The following FBXL17 variants were observed in gnomAD, a reference collection of about 807,000 sequenced individuals.
FBXL17 encodes F-box and leucine rich repeat protein 17.
FBXL17 carries 22 observed loss-of-function variants against 66.2 expected under a neutral mutation model. The ratio of observed to expected loss-of-function variants is 0.33; its 90% CI spans 0.24 to 0.47. The LOEUF (loss-of-function observed/expected upper bound fraction) is 0.47, where lower values mean the gene tolerates loss of function less well. Among genes scored for constraint, FBXL17 ranks in the 20% least tolerant of loss-of-function variants. The pLI, the probability that FBXL17 is intolerant of heterozygous loss-of-function variation, is 1.00. For missense variants in FBXL17, 878 were observed against 948.2 expected, an observed-to-expected ratio of 0.93 and a Z score of 0.97; for synonymous variants, 474 against 400.5, an observed-to-expected ratio of 1.18 and a Z score of -2.19.
At chr5:108,030,390 C>G (rs1222272383) in intron 6 of FBXL17, among the ~76,000 whole-genome samples, 1 of 152,056 alleles carries the variant, frequency 6.6e-6, no homozygotes, top group African/African-American at 2.4e-5. Flanking sequence ...TAAGTAAACA[C>G]GGAGAAAGGA....
chr5:108,055,978 T>C (rs1721142742), intron 6 of FBXL17, among the ~76,000 whole-genome samples: 2 of 152,200 alleles, frequency 1.3e-5, no homozygotes, highest in African/African-American at 4.8e-5. Flanking sequence ...CTACATGGAA[T>C]CACATACCTT....
chr5:108,275,386 A>G (rs950957167), intron 4 of FBXL17, among the ~76,000 whole-genome samples: 1 of 152,230 alleles, frequency 6.6e-6, no homozygotes, highest in Non-Finnish European at 1.5e-5. Context: ...ATTTAAAAAA[A>G]TGCCACAATT....
At chr5:108,340,665 A>C (rs563814213) in intron 4 of FBXL17, among the ~76,000 whole-genome samples, 9 of 152,304 alleles carry the variant, frequency 5.9e-5, no homozygotes, top group African/African-American at 1.9e-4. Context: ...ACTTACTTTA[A>C]AAGTGAAAAA....
chr5:107,978,386 A>G (rs1752669324), intron 7 of FBXL17, among the ~76,000 whole-genome samples: 1 of 152,168 alleles, frequency 6.6e-6, no homozygotes, highest in South Asian at 2.1e-4. Flanking sequence ...AAAGGCCACA[A>G]GGTTAGGATT....
chr5:108,371,329 A>T (rs1371549169), intron 1 of FBXL17, among the ~76,000 whole-genome samples: 2 of 152,256 alleles, frequency 1.3e-5, no homozygotes, highest in Non-Finnish European at 2.9e-5. Flanking sequence ...TCATAAAAGC[A>T]GCCCCAGTCA....
At chr5:108,217,059 A>G (rs796946268) in intron 5 of FBXL17, among the ~76,000 whole-genome samples, 3 of 152,184 alleles carry the variant, frequency 2.0e-5, no homozygotes, top group African/African-American at 7.2e-5. Context: ...TCTGGCCTCT[A>G]TGAATCATCA....
chr5:108,253,447 A>G (rs1202337966), intron 4 of FBXL17, among the ~76,000 whole-genome samples: 1 of 152,186 alleles, frequency 6.6e-6, no homozygotes, highest in Admixed American at 6.5e-5. Context: ...GATTACAGGA[A>G]TACTATTCAT....
At chr5:107,880,921 TG>T in intron 8 of FBXL17, 115 bp downstream of exon 8, 1 of 1,493,886 alleles carries the variant, frequency 6.7e-7, no homozygotes, top group Non-Finnish European at 8.9e-7. Flanking sequence ...ACATATAAAA[TG>T]TATATATAAT....
At chr5:108,106,855 T>C (rs1749818870) in intron 6 of FBXL17, among the ~76,000 whole-genome samples, 1 of 152,126 alleles carries the variant, frequency 6.6e-6, no homozygotes, top group South Asian at 2.1e-4. Context: ...ACTGTGAATA[T>C]ACTAAATATG....
chr5:108,151,115 TAAAG>T (rs1751756869), intron 6 of FBXL17, among the ~76,000 whole-genome samples: 1 of 152,190 alleles, frequency 6.6e-6, no homozygotes. Flanking sequence ...GTACTCAGTA[TAAAG>T]AGTCTCTTTT....
In FBXL17 at chr5:108,381,425, C is replaced by A; in HGVS notation, c.267G>T (p.Gly89=). The change falls in exon 1 of 9, where the codon GGG becomes GGT. Residue 89 remains glycine (G), a synonymous_variant. Transcript: ENST00000542267. ...GAGAGGAGGAGGCGGCAGCGTAGGC[C>A]CCGTCCCGCGGCGGCGGCGAGAGCG... ...EPPLSPPPRD[G]AYAAASSSQH... 1 of 1,318,716 alleles carries A rather than the reference C, an allele frequency of 7.6e-7. No individual in the cohort carries two copies. Among genetic ancestry groups the A allele is most frequent in the Non-Finnish European group, 9.6e-7 (1 of 1,042,114 alleles). The allele number at this position is 1,318,716 out of a possible 1,614,324, so 81.7% of individuals were successfully genotyped here. A position where few individuals can be genotyped will look rare whatever the true frequency, so the allele number is the denominator to read the frequency against.
At chr5:107,912,609 G>A (rs915377913) in intron 7 of FBXL17, among the ~76,000 whole-genome samples, 1 of 151,964 alleles carries the variant, frequency 6.6e-6, no homozygotes, top group African/African-American at 2.4e-5. Flanking sequence ...AACAAAATAC[G>A]ATAAATTTTG....
At chr5:107,952,609 G>A (rs887441497) in intron 7 of FBXL17, among the ~76,000 whole-genome samples, 1 of 152,138 alleles carries the variant, frequency 6.6e-6, no homozygotes, top group African/African-American at 2.4e-5. Flanking sequence ...CCATCAAAAA[G>A]CTCAGATAAC....
chr5:107,875,625 T>A (rs1002284481), intron 8 of FBXL17, among the ~76,000 whole-genome samples: 1 of 152,190 alleles, frequency 6.6e-6, no homozygotes, highest in African/African-American at 2.4e-5. Context: ...ATGGATTTGA[T>A]TTTAAAAAAT....
chr5:107,914,374 G>A (rs892735097), intron 7 of FBXL17, among the ~76,000 whole-genome samples: 9 of 152,170 alleles, frequency 5.9e-5, no homozygotes, highest in African/African-American at 1.7e-4. Context: ...GGGATGATGG[G>A]CAGGATAAAC....
chr5:108,194,578 C>T (rs549167313), intron 5 of FBXL17, among the ~76,000 whole-genome samples: 1 of 152,274 alleles, frequency 6.6e-6, no homozygotes, highest in African/African-American at 2.4e-5. Context: ...TCCCTGATCG[C>T]TTCCTTCTCC....
intron 6 of FBXL17, among the ~76,000 whole-genome samples, chr5:108,037,445 G>T (rs527399520): frequency 6.6e-6 from 1 of 151,944 alleles, no homozygotes; most frequent in Non-Finnish European, 1.5e-5. Context: ...AGGTAGATGA[G>T]GTAAACAATA....
intron 5 of FBXL17, among the ~76,000 whole-genome samples, chr5:108,215,304 C>T (rs1244464325): frequency 6.6e-6 from 1 of 152,228 alleles, no homozygotes; most frequent in Non-Finnish European, 1.5e-5. Flanking sequence ...TCCATAGCAA[C>T]TGCATAATTT....
chr5:107,868,942 T>G (rs1269765329), intron 8 of FBXL17, among the ~76,000 whole-genome samples: 1 of 152,122 alleles, frequency 6.6e-6, no homozygotes, highest in Non-Finnish European at 1.5e-5. Context: ...TCCCACCCCA[T>G]CCAACAAACT....
Sources: gnomAD v4.1 joint callset for allele counts (sites outside exome capture counted in the v4.1 genomes callset) on GRCh38, gnomAD v4.1.1 for gene constraint, MANE v1.5 for transcripts, NCBI Gene and HGNC (gene_info 2026-07-23, HGNC 2026-07-21) for gene names.